KCND3: variants seen among roughly 807,000 people sequenced by gnomAD.
KCND3 encodes potassium voltage-gated channel subfamily D member 3, also known as A-type voltage-gated potassium channel KCND3.
Under a neutral mutation model 51.1 loss-of-function variants are expected in KCND3, and 9 were observed. The ratio of observed to expected loss-of-function variants is 0.18; its 90% CI spans 0.11 to 0.31. The LOEUF (loss-of-function observed/expected upper bound fraction) is 0.31. KCND3 is among the 10% of genes least tolerant of loss of function. The pLI, the probability that KCND3 is intolerant of heterozygous loss-of-function variation, is 1.00. For synonymous variants in KCND3, 349 were observed against 368.0 expected (o/e 0.95, Z 0.59); for missense variants, 526 against 903.8 (o/e 0.58, Z 5.36).
chr1:111,965,066 C>G (rs770381005), intron 2 of KCND3, among the ~76,000 whole-genome samples: 4 of 151,384 alleles, frequency 2.6e-5, no homozygotes, highest in South Asian at 2.1e-4. Context: ...GCTGCACCCC[C>G]CCAAACTGCC....
intron 2 of KCND3, among the ~76,000 whole-genome samples, chr1:111,891,465 T>A (rs1006693925): frequency 1.3e-5 from 2 of 152,158 alleles, no homozygotes; most frequent in African/African-American, 4.8e-5. Context: ...TGGAGTGGTG[T>A]CATGCAAGAG....
rs762823784 is a variant in KCND3, at chr1:111,773,044, C to T, written c.*3033G>A. The T allele has an allele frequency of 3.3e-5, 5 of 151,586 alleles. No homozygotes were observed. The highest frequency in any genetic ancestry group is 2.1e-4 in the South Asian group (1 of 4,796). The allele number at this position is 151,586 out of a possible 1,614,324, so 9.4% of individuals were successfully genotyped here. On this transcript the variant is annotated 3_prime_UTR_variant, in exon 8 of 8. Transcript: ENST00000302127. ...TAGTGTAGATGAGCCATTTTCCAAACGTTGACATTTTTTGGACCAGAAGTG... is the reference window on the plus strand; with the variant it reads ...TAGTGTAGATGAGCCATTTTCCAAATGTTGACATTTTTTGGACCAGAAGTG...
At chr1:111,922,659 G>C (rs138644091) in intron 2 of KCND3, among the ~76,000 whole-genome samples, 1 of 152,250 alleles carries the variant, frequency 6.6e-6, no homozygotes, top group African/African-American at 2.4e-5. Flanking sequence ...ATACATGTAA[G>C]GGCTCTGAAC....
Position 111,982,709 on chromosome 1 carries a change from C to T in KCND3, c.18G>A (p.Ala6=), listed in dbSNP as rs1222104971. Residue 6 remains alanine, a synonymous_variant, in exon 2 of 8, where the codon GCG becomes GCA. Coordinates refer to ENST00000302127, the MANE Select transcript of KCND3 (RefSeq NM_001378969.1). The surrounding 1 kb of genome is among the most constrained non-coding windows in gnomAD (Gnocchi z 8.5). ...CAGCCCGGGCAAAAGGCAGCCAGGC[C>T]GCAACTCCGGCCGCCATGGTGACTC... MAAGV[A]AWLPFARAAA... 1.5e-5 allele frequency: 24 copies of T among 1,604,312 alleles called. No individual in the cohort carries two copies. The highest frequency in any genetic ancestry group is 2.0e-5 in the Non-Finnish European group (23 of 1,179,224).
chr1:111,937,745 T>C (rs1292337265), intron 2 of KCND3, among the ~76,000 whole-genome samples: 1 of 152,164 alleles, frequency 6.6e-6, no homozygotes, highest in African/African-American at 2.4e-5. Context: ...GACAGGCCCT[T>C]AGCTGGAATT....
At chr1:111,838,039 C>A (rs529643114) in intron 2 of KCND3, among the ~76,000 whole-genome samples, 2 of 152,238 alleles carry the variant, frequency 1.3e-5, no homozygotes, top group Admixed American at 1.3e-4. Flanking sequence ...ACCTTGCTCA[C>A]CTGGGCTGAG....
chr1:111,853,021 G>A lies in KCND3; in HGVS notation c.1107-65915C>T, dbSNP rs539280486. 2.0e-5 allele frequency among the ~76,000 whole-genome samples: 3 copies of A among 152,282 alleles called. No individual in the cohort carries two copies. In the South Asian group the frequency reaches 6.2e-4, roughly 32 times the overall value. ...AGTCATAGTAACAGCATGCATGCAG[G>A]GAGCCTGGCACTTTACATGAATTAT... On this transcript the variant is annotated intron_variant, in intron 2 of 7. Transcript: ENST00000302127.
chr1:111,799,111 C>A (rs1177136849), intron 2 of KCND3, among the ~76,000 whole-genome samples: 1 of 152,154 alleles, frequency 6.6e-6, no homozygotes, highest in Non-Finnish European at 1.5e-5. Context: ...GTAGTACTAC[C>A]TGACTTATGA....
At chr1:111,781,304 T>G (rs1375809901) in intron 3 of KCND3, among the ~76,000 whole-genome samples, 1 of 152,210 alleles carries the variant, frequency 6.6e-6, no homozygotes, top group African/African-American at 2.4e-5. Context: ...CCTCTGCAAT[T>G]TTTTTCTTTG....
intron 2 of KCND3, among the ~76,000 whole-genome samples, chr1:111,857,089 G>A (rs143346105): frequency 1.3e-3 from 197 of 152,262 alleles, no homozygotes; most frequent in African/African-American, 4.5e-3. Context: ...CTGGACACTC[G>A]TCATGCGCCT....
Position 111,982,320 on chromosome 1 carries a change from T to C in KCND3, c.407A>G (p.Tyr136Cys), listed in dbSNP as rs1675000214. 6.2e-7 allele frequency: 1 copy of C among 1,614,124 alleles called. No individual in the cohort carries two copies. Among genetic ancestry groups the C allele is most frequent in the Non-Finnish European group, 8.5e-7 (1 of 1,180,020 alleles). The change falls in exon 2 of 8, where the codon TAC becomes TGC. Residue 136 changes from tyrosine (Y) to cysteine (C), a missense_variant. Tyr to Cys is a radical substitution (Grantham distance 194). Transcript: ENST00000302127. This position sits in a 1 kb window ranked among gnomAD's most constrained non-coding sequence, Gnocchi z 8.5. Reference sequence around the variant, plus strand: ...GGCGTTCTCCCTCTTGCGGTCCTTGTACTCCTCGTAGCAGCAGTCCCCGAT... The same window carrying C: ...GGCGTTCTCCCTCTTGCGGTCCTTGCACTCCTCGTAGCAGCAGTCCCCGAT... ...EIIGDCCYEE[Y>C]KDRKRENAER...
intron 2 of KCND3, among the ~76,000 whole-genome samples, chr1:111,943,144 A>T (rs139667997): frequency 1.3e-5 from 2 of 152,062 alleles, no homozygotes; most frequent in African/African-American, 4.8e-5. Flanking sequence ...CTCAGGCTGG[A>T]TGGACGGGGC....
At chr1:111,796,009 T>C (rs1028183117) in intron 2 of KCND3, among the ~76,000 whole-genome samples, 1 of 152,256 alleles carries the variant, frequency 6.6e-6, no homozygotes, top group African/African-American at 2.4e-5. Context: ...TTCATGTCCT[T>C]TGCCCACTTT....
Position 111,774,337 on chromosome 1 carries a change from T to C in KCND3, c.*1740A>G, listed in dbSNP as rs1664024971. ...GGATAGGCAGCTCCCGAGGAGCTCATGTATTTCAGAGCCCAGGCTACAGAG... is the reference window on the plus strand; with the variant it reads ...GGATAGGCAGCTCCCGAGGAGCTCACGTATTTCAGAGCCCAGGCTACAGAG... On this transcript the variant is annotated 3_prime_UTR_variant, in exon 8 of 8. Transcript: ENST00000302127. 6.6e-6 allele frequency: 1 copy of C among 152,198 alleles called. No individual in the cohort carries two copies. Among genetic ancestry groups the C allele is most frequent in the African/African-American group, 2.4e-5 (1 of 41,416 alleles). The allele number at this position is 152,198 out of a possible 1,614,324, so 9.4% of individuals were successfully genotyped here.
chr1:111,776,087 G>T lies in KCND3; in HGVS notation c.1958C>A (p.Ser653Tyr). The T allele has an allele frequency of 2.5e-6, 4 of 1,614,162 alleles. No homozygotes were observed. Among genetic ancestry groups the T allele is most frequent in the Non-Finnish European group, 3.4e-6 (4 of 1,180,010 alleles). The stretch of plus-strand genomic sequence containing the variant: ...CTCTGTCCAGTGGTTTTACAAGGCG[G>T]AGACCTTGACAACATTGCTGGCTAT... The part of the protein sequence containing the change: ...PSIASNVVKV[S>Y]AL The change falls in exon 8 of 8, where the codon TCC becomes TAC. Residue 653 changes from serine to tyrosine, a missense_variant. Physicochemically the swap from Ser to Tyr is moderately radical, Grantham distance 144. Coordinates refer to ENST00000302127, the MANE Select transcript of KCND3 (RefSeq NM_001378969.1).
intron 2 of KCND3, among the ~76,000 whole-genome samples, chr1:111,895,178 ACCAAGAG>A (rs1346793751): frequency 7.5e-6 from 1 of 132,844 alleles, no homozygotes; most frequent in Non-Finnish European, 1.6e-5. Context: ...AAGGAGGGAG[ACCAAGAG>A]CAAGGAGGGG....
chr1:111,972,923 C>T (rs1674422254), intron 2 of KCND3, among the ~76,000 whole-genome samples: 1 of 152,144 alleles, frequency 6.6e-6, no homozygotes, highest in Non-Finnish European at 1.5e-5. Flanking sequence ...TTCTTTTCTG[C>T]TTAAGTATGC....
At chr1:111,825,494 T>C (rs545481278) in intron 2 of KCND3, among the ~76,000 whole-genome samples, 1 of 152,344 alleles carries the variant, frequency 6.6e-6, no homozygotes, top group Non-Finnish European at 1.5e-5. Flanking sequence ...CACTTGTCTG[T>C]TGGATTTGTC....
chr1:111,864,431 G>A (rs72692562), intron 2 of KCND3, among the ~76,000 whole-genome samples: 28 of 152,204 alleles, frequency 1.8e-4, no homozygotes, highest in South Asian at 1.7e-3. Context: ...TTCATTTCTC[G>A]CTCACTCTCT....
Sources: allele counts gnomAD v4.1 joint callset (sites outside exome capture counted in the v4.1 genomes callset), GRCh38; gene constraint gnomAD v4.1.1; non-coding constraint Gnocchi (gnomAD v3.1); transcripts MANE v1.5; gene names NCBI Gene and HGNC (gene_info 2026-07-23, HGNC 2026-07-21).